The following GRIN2B variants were observed in gnomAD, a reference collection of about 807,000 sequenced individuals.
GRIN2B encodes the protein glutamate ionotropic receptor NMDA type subunit 2B, also known as glutamate receptor ionotropic, NMDA 2B.
GRIN2B carries 5 observed loss-of-function variants against 114.5 expected under a neutral mutation model. The observed-to-expected ratio is 0.04, with a 90% CI of 0.02 to 0.09. GRIN2B has a LOEUF of 0.09. GRIN2B is among the 10% of genes least tolerant of loss of function. The probability of loss-of-function intolerance (pLI) is 1.00; values close to 1 mark genes in which losing one functional copy is unlikely to be tolerated. For synonymous variants in GRIN2B, 787 were observed against 745.1 expected (o/e 1.06, Z -0.92); for missense variants, 1,108 against 1,943.5 (o/e 0.57, Z 8.08).
chr12:13,721,747 T>A (rs1339445175), intron 4 of GRIN2B, among the ~76,000 whole-genome samples: 1 of 151,964 alleles, frequency 6.6e-6, no homozygotes, highest in Non-Finnish European at 1.5e-5. Flanking sequence ...TCATTACCTA[T>A]AAAGGATATG....
Position 13,564,011 on chromosome 12 carries a change from T to C in GRIN2B, c.3227A>G (p.Asn1076Ser), listed in dbSNP as rs1489071165. Residue 1076 changes from asparagine (N) to serine (S), a missense_variant, in exon 14 of 14, where the codon AAT becomes AGT. Coordinates refer to ENST00000609686, the MANE Select transcript of GRIN2B (RefSeq NM_000834.5). This position sits in a 1 kb window ranked among gnomAD's most constrained non-coding sequence, Gnocchi z 4.8. ...TTGCTGCTTACGCCTCTTGGCGGCATTGCCCTCGATGTTCCCATAGGTGAC... is the reference window on the plus strand; with the variant it reads ...TTGCTGCTTACGCCTCTTGGCGGCACTGCCCTCGATGTTCCCATAGGTGAC... ...HTVTYGNIEG[N>S]AAKRRKQQYK... is the part of the protein sequence containing the mutation. The C allele has an allele frequency of 6.2e-7, 1 of 1,614,246 alleles. No homozygotes were observed. Among genetic ancestry groups the C allele is most frequent in the Admixed American group, 1.7e-5 (1 of 60,034 alleles).
Position 13,563,638 on chromosome 12 carries a change from G to T in GRIN2B, c.3600C>A (p.Asn1200Lys), listed in dbSNP as rs199676457. Reference protein sequence around the residue: ...VSGVPAPWEKNLTNVEWEDRS... With the variant: ...VSGVPAPWEKKLTNVEWEDRS... ...GGTCCTCCCACTCCACGTTGGTCAG[G>T]TTCTTCTCCCAAGGTGCAGGTACCC... Residue 1200 changes from asparagine (N) to lysine (K), a missense_variant, in exon 14 of 14, where the codon AAC becomes AAA. Physicochemically the swap from Asn to Lys is moderately conservative, Grantham distance 94. Around this residue, in one of 19 missense-constraint regions of GRIN2B, gnomAD observed 478 missense variants for 506.0 expected, o/e 0.94. Coordinates refer to ENST00000609686, the MANE Select transcript of GRIN2B (RefSeq NM_000834.5). The T allele has an allele frequency of 1.9e-6, 3 of 1,613,888 alleles. No homozygotes were observed. The highest frequency in any genetic ancestry group is 2.5e-6 in the Non-Finnish European group (3 of 1,180,024).
intron 3 of GRIN2B, among the ~76,000 whole-genome samples, chr12:13,803,070 T>G (rs1864545038): frequency 6.6e-6 from 1 of 152,196 alleles, no homozygotes; most frequent in African/African-American, 2.4e-5. Context: ...TTCCACTTAA[T>G]GAATAGTAAA....
At chr12:13,574,386 T>C (rs1565458894) in intron 10 of GRIN2B, among the ~76,000 whole-genome samples, 1 of 152,240 alleles carries the variant, frequency 6.6e-6, no homozygotes, top group Non-Finnish European at 1.5e-5. Context: ...AATTAACTCC[T>C]TTTAATCAGT....
At chr12:13,872,267 A>G (rs978601206) in intron 2 of GRIN2B, among the ~76,000 whole-genome samples, 2 of 152,048 alleles carry the variant, frequency 1.3e-5, no homozygotes, top group African/African-American at 4.8e-5. Context: ...TTGGGAGGCC[A>G]AAGTGAGCAG....
At chr12:13,663,053 A>C (rs1949939554) in intron 5 of GRIN2B, among the ~76,000 whole-genome samples, 1 of 152,102 alleles carries the variant, frequency 6.6e-6, no homozygotes, top group Admixed American at 6.5e-5. Context: ...GAAGCTGAGA[A>C]TCTGTACTTC....
Position 13,562,708 on chromosome 12 carries a change from C to A in GRIN2B, c.*75G>T. On this transcript the variant is annotated 3_prime_UTR_variant, in exon 14 of 14. Coordinates refer to ENST00000609686, the MANE Select transcript of GRIN2B (RefSeq NM_000834.5). The stretch of plus-strand genomic sequence containing the variant: ...ATGGGAACCAAGTTCACCCCCGTCA[C>A]CCTCCGTGACATGCGCATCACGCGA... 1 of 1,205,046 alleles carries A rather than the reference C, an allele frequency of 8.3e-7. No individual in the cohort carries two copies. 74.6% of individuals were successfully genotyped at this position (1,205,046 alleles called of 1,614,324 possible). A position where few individuals can be genotyped will look rare whatever the true frequency, so the allele number is the denominator to read the frequency against.
chr12:13,662,510 TA>T (rs1361548492), intron 5 of GRIN2B, among the ~76,000 whole-genome samples: 1 of 152,176 alleles, frequency 6.6e-6, no homozygotes, highest in Non-Finnish European at 1.5e-5. Context: ...CTTACCACCT[TA>T]AGCGTATATG....
chr12:13,921,146 C>G (rs1866816103), intron 2 of GRIN2B, among the ~76,000 whole-genome samples: 1 of 152,112 alleles, frequency 6.6e-6, no homozygotes, highest in Admixed American at 6.5e-5. Context: ...CCTGTAATCC[C>G]AGCACTTTGG....
At chr12:13,705,487 C>T (rs560687288) in intron 4 of GRIN2B, among the ~76,000 whole-genome samples, 10 of 152,234 alleles carry the variant, frequency 6.6e-5, no homozygotes, top group East Asian at 1.9e-4. Flanking sequence ...CACAAATATA[C>T]GTTCATAAGG....
intron 3 of GRIN2B, among the ~76,000 whole-genome samples, chr12:13,805,196 T>C (rs1200590661): frequency 6.6e-6 from 1 of 152,134 alleles, no homozygotes; most frequent in African/African-American, 2.4e-5. Flanking sequence ...ATTTTACAAT[T>C]AAGAAACCAA....
At chr12:13,607,181 T>A (rs1163137705) in intron 10 of GRIN2B, among the ~76,000 whole-genome samples, 1 of 114,366 alleles carries the variant, frequency 8.7e-6, no homozygotes, top group Non-Finnish European at 1.7e-5. Flanking sequence ...ATATATATAA[T>A]AAATATATAA....
intron 10 of GRIN2B, among the ~76,000 whole-genome samples, chr12:13,596,083 C>T (rs1260878994): frequency 6.6e-6 from 1 of 151,864 alleles, no homozygotes; most frequent in Non-Finnish European, 1.5e-5. Flanking sequence ...AGGTCCTCAG[C>T]TGCAGAGTCC....
At chr12:13,789,622 A>C (rs772431297) in intron 3 of GRIN2B, among the ~76,000 whole-genome samples, 24 of 152,212 alleles carry the variant, frequency 1.6e-4, no homozygotes, top group Non-Finnish European at 3.2e-4. Context: ...AACTGGTGAT[A>C]ATAATTATGC....
intron 2 of GRIN2B, among the ~76,000 whole-genome samples, chr12:13,868,345 T>A (rs1193566705): frequency 6.6e-6 from 1 of 152,028 alleles, no homozygotes; most frequent in African/African-American, 2.4e-5. Flanking sequence ...AGGGCCTGAA[T>A]TCCTCCTCCC....
At chr12:13,915,230 T>G (rs1452236869) in intron 2 of GRIN2B, among the ~76,000 whole-genome samples, 1 of 152,168 alleles carries the variant, frequency 6.6e-6, no homozygotes, top group Non-Finnish European at 1.5e-5. Flanking sequence ...TCTTAGAGGT[T>G]GAAATAAGGT....
intron 3 of GRIN2B, among the ~76,000 whole-genome samples, chr12:13,840,489 C>T (rs951541962): frequency 6.6e-6 from 1 of 152,066 alleles, no homozygotes; most frequent in Non-Finnish European, 1.5e-5. Context: ...GACAACAACT[C>T]AACATCTCTG....
chr12:13,582,931 T>C (rs1319316767), intron 10 of GRIN2B, among the ~76,000 whole-genome samples: 2 of 152,206 alleles, frequency 1.3e-5, no homozygotes, highest in African/African-American at 4.8e-5. Context: ...AAAATTTGGA[T>C]ACATAAGCCT....
chr12:13,879,924 T>C (rs1866045328), intron 2 of GRIN2B, among the ~76,000 whole-genome samples: 1 of 152,224 alleles, frequency 6.6e-6, no homozygotes, highest in African/African-American at 2.4e-5. Flanking sequence ...AAACTTGACT[T>C]ACGACTTCAC....
Sources: gnomAD v4.1 joint callset for allele counts (sites outside exome capture counted in the v4.1 genomes callset) on GRCh38, gnomAD v4.1.1 for gene constraint, gnomAD v4.1.1 regional missense constraint, Gnocchi (gnomAD v3.1) non-coding constraint, MANE v1.5 for transcripts, NCBI Gene and HGNC (gene_info 2026-07-23, HGNC 2026-07-21) for gene names.